The following PDE1A variants were observed in gnomAD, a reference collection of about 807,000 sequenced individuals.
PDE1A encodes phosphodiesterase 1A.
PDE1A carries 35 observed loss-of-function variants against 61.7 expected under a neutral mutation model. That is an observed-to-expected ratio of 0.57 (90% CI 0.43 to 0.75). The LOEUF is 0.75. PDE1A is among the 30% of genes least tolerant of loss of function. PDE1A has a pLI of 0.00. For missense variants in PDE1A, 597 were observed against 630.6 expected (o/e 0.95, Z 0.57); for synonymous variants, 232 against 213.2 (o/e 1.09, Z -0.77).
Position 182,241,666 on chromosome 2 carries a change from G to A in PDE1A, c.168-1374C>T, listed in dbSNP as rs1013593345. 7 of 526,600 alleles carry A rather than the reference G, an allele frequency of 1.3e-5. No individual in the cohort carries two copies. The Admixed American group carries it at 2.7e-4, about 21-fold the overall frequency. 32.6% of individuals were successfully genotyped at this position (526,600 alleles called of 1,614,324 possible). A position where few individuals can be genotyped will look rare whatever the true frequency, so the allele number is the denominator to read the frequency against. The stretch of plus-strand genomic sequence containing the variant: ...CATTTGCCAATATTTATTTTCCATG[G>A]TATTAAATAAGCATGAATGTATTTA... On this transcript the variant is annotated intron_variant, in intron 2 of 13. Coordinates refer to ENST00000351439, the Ensembl canonical transcript of PDE1A.
chr2:182,273,684 T>C (rs1693202080), intron 1 of PDE1A, among the ~76,000 whole-genome samples: 1 of 152,078 alleles, frequency 6.6e-6, no homozygotes, highest in African/African-American at 2.4e-5. Flanking sequence ...AAAAGTGTGT[T>C]GAGTACTTTT....
chr2:182,667,496 A>G, the PDE1A span, among the ~76,000 whole-genome samples: 97 of 152,260 alleles, frequency 6.4e-4, no homozygotes, highest in African/African-American at 2.3e-3. Context: ...TCCCCTCACT[A>G]ATGTGTTTCT....
the PDE1A span, among the ~76,000 whole-genome samples, chr2:182,687,073 GGCCT>G: frequency 3.9e-5 from 6 of 152,248 alleles, no homozygotes. Flanking sequence ...AGCTCAAGGA[GGCCT>G]GCCTGCCTCT....
At chr2:182,363,386 T>C (rs565335226) in intron 1 of PDE1A, among the ~76,000 whole-genome samples, 3 of 150,458 alleles carry the variant, frequency 2.0e-5, no homozygotes, top group South Asian at 2.1e-4. Context: ...CAATGAAGTA[T>C]ATGATATATT....
At chr2:182,241,779 T>G (rs1690532204) in intron 2 of PDE1A, 10 of 1,415,868 alleles carry the variant, frequency 7.1e-6, no homozygotes, top group Non-Finnish European at 9.5e-6. Context: ...TAGAGTTGAA[T>G]GTTAATACTG....
At chr2:182,585,453 A>G in the PDE1A span, among the ~76,000 whole-genome samples, 2 of 152,208 alleles carry the variant, frequency 1.3e-5, no homozygotes, top group Non-Finnish European at 2.9e-5. Context: ...GTCAAATAAT[A>G]GATTTGTCTT....
intron 2 of PDE1A, among the ~76,000 whole-genome samples, chr2:182,488,908 G>C (rs889685012): frequency 5.3e-5 from 8 of 152,208 alleles, no homozygotes; most frequent in Admixed American, 2.6e-4. Context: ...CCTGGAAAGA[G>C]AGCATGTTCA....
intron 1 of PDE1A, among the ~76,000 whole-genome samples, chr2:182,388,235 G>C (rs1701229561): frequency 6.6e-6 from 1 of 152,050 alleles, no homozygotes; most frequent in Non-Finnish European, 1.5e-5. Context: ...AATAATAGTA[G>C]GGGATATCAA....
chr2:182,449,083 C>CACACACACAA (rs1269852797), intron 2 of PDE1A, among the ~76,000 whole-genome samples: 1 of 144,532 alleles, frequency 6.9e-6, no homozygotes, highest in African/African-American at 2.5e-5. Context: ...CACACACACA[C>CACACACACAA]ACAAACAAAA....
chr2:182,662,943 C>G, the PDE1A span, among the ~76,000 whole-genome samples: 1 of 152,204 alleles, frequency 6.6e-6, no homozygotes, highest in South Asian at 2.1e-4. Flanking sequence ...TGACAGAGGT[C>G]TAATATCCAG....
At chr2:182,331,074 C>T (rs1018744696) in intron 1 of PDE1A, among the ~76,000 whole-genome samples, 3 of 152,142 alleles carry the variant, frequency 2.0e-5, no homozygotes, top group Admixed American at 6.6e-5. Context: ...GTCTTTGAAG[C>T]ATATCTATTT....
chr2:182,265,376 C>T (rs1692560865), intron 1 of PDE1A, among the ~76,000 whole-genome samples: 1 of 152,062 alleles, frequency 6.6e-6, no homozygotes, highest in African/African-American at 2.4e-5. Context: ...GCAATAAAGA[C>T]AGACGAAAGG....
At chr2:182,611,975 C>T in the PDE1A span, among the ~76,000 whole-genome samples, 1 of 152,188 alleles carries the variant, frequency 6.6e-6, no homozygotes, top group Non-Finnish European at 1.5e-5. Context: ...TCAACCTCAA[C>T]ACTGAACTCT....
chr2:182,703,018 T>A, the PDE1A span, among the ~76,000 whole-genome samples: 1 of 152,344 alleles, frequency 6.6e-6, no homozygotes, highest in East Asian at 1.9e-4. Context: ...CACATACAGA[T>A]GAAAGTTAAT....
rs201729102 is a variant in PDE1A, at chr2:182,515,954, C to CTGTGTGTGTG, written c.101+6312_101+6321dup. On this transcript the variant is annotated intron_variant, in intron 2 of 14. Coordinates refer to the PDE1A transcript ENST00000410103. ...AGGGATTGTGCGTGTGTGTGTGTTT[C>CTGTGTGTGTG]TGTGTGTGTGTGTGTGTGTGTGTGT... Among the ~76,000 whole-genome samples the CTGTGTGTGTG allele has an allele frequency of 3.3e-3, 436 of 130,442 alleles. 2 individuals are homozygous for CTGTGTGTGTG. The highest frequency in any genetic ancestry group is 5.0e-3 in the Non-Finnish European group (296 of 59,144). 85.6% of individuals were successfully genotyped at this position (130,442 alleles called of 152,430 possible).
the PDE1A span, among the ~76,000 whole-genome samples, chr2:182,706,086 T>G: frequency 6.6e-6 from 1 of 152,200 alleles, no homozygotes; most frequent in Non-Finnish European, 1.5e-5. Context: ...TGTGAGATGT[T>G]GACTATCAGG....
At chr2:182,268,013 C>T (rs1692755298) in intron 1 of PDE1A, among the ~76,000 whole-genome samples, 1 of 151,968 alleles carries the variant, frequency 6.6e-6, no homozygotes, top group African/African-American at 2.4e-5. Context: ...ATAAAATAAA[C>T]AAGTTCCCTT....
the PDE1A span, among the ~76,000 whole-genome samples, chr2:182,654,143 A>G: frequency 1.3e-5 from 2 of 152,204 alleles, no homozygotes; most frequent in Non-Finnish European, 2.9e-5. Context: ...ATAGAGATTG[A>G]AAACTGCATT....
At chr2:182,240,336 A>T in intron 2 of PDE1A, 44 bp from the exon 3 acceptor site, 1 of 1,235,262 alleles carries the variant, frequency 8.1e-7, no homozygotes, top group South Asian at 1.8e-5. Context: ...AAAAAAGTGA[A>T]GAAAAACATA....
Sources: gnomAD v4.1 joint callset for allele counts (sites outside exome capture counted in the v4.1 genomes callset) on GRCh38, gnomAD v4.1.1 for gene constraint, MANE v1.5 for transcripts, NCBI Gene and HGNC (gene_info 2026-07-23, HGNC 2026-07-21) for gene names.